Variants in UBE2G1 observed in about 807,000 individuals in gnomAD.
The protein encoded by UBE2G1 is ubiquitin conjugating enzyme E2 G1, also known as ubiquitin-conjugating enzyme E2 G1.
Under a neutral mutation model 22.7 loss-of-function variants are expected in UBE2G1, and 5 were observed. That is an observed-to-expected ratio of 0.22 (90% CI 0.12 to 0.46). The LOEUF (loss-of-function observed/expected upper bound fraction) is 0.46. Ranked by LOEUF, UBE2G1 falls within the 20% of genes least tolerant of loss-of-function variation. The probability of loss-of-function intolerance (pLI) is 0.99; values close to 1 mark genes in which losing one functional copy is unlikely to be tolerated. For synonymous variants in UBE2G1, 74 were observed against 67.5 expected (o/e 1.10, Z -0.47); for missense variants, 88 against 203.9 (o/e 0.43, Z 3.46).
At chr17:4,308,965 A>C (rs980658570) in intron 1 of UBE2G1, among the ~76,000 whole-genome samples, 1 of 152,198 alleles carries the variant, frequency 6.6e-6, no homozygotes, top group Non-Finnish European at 1.5e-5. Flanking sequence ...CAATAGTGAA[A>C]ATTTATATTT....
At chr17:4,314,912 G>T (rs975625814) in intron 1 of UBE2G1, among the ~76,000 whole-genome samples, 7 of 152,192 alleles carry the variant, frequency 4.6e-5, no homozygotes. Flanking sequence ...CAAATATACT[G>T]CAAGGAGCAC....
rs111357043 is a variant in UBE2G1 at position 4,276,289 on chromosome 17, C to G, written c.*38-3773G>C. 7.9e-4 allele frequency among the ~76,000 whole-genome samples: 120 copies of G among 152,272 alleles called. 1 individual carries two copies. Among genetic ancestry groups the G allele is most frequent in the African/African-American group, 2.7e-3 (113 of 41,552 alleles). On this transcript the variant is annotated intron_variant, in intron 5 of 5. Transcript: ENST00000396981. ...TCCCAGGTTGAAGTGATTCTCCTGC[C>G]TCAGCCTCCCGAGTAGCTGGGATTA...
chr17:4,349,445 AAAC>A (rs1969818025), intron 1 of UBE2G1, among the ~76,000 whole-genome samples: 2 of 152,196 alleles, frequency 1.3e-5, no homozygotes, highest in South Asian at 4.1e-4. Context: ...CCAGAACTTA[AAAC>A]AAATGGAACT....
At chr17:4,349,792 G>A (rs893788905) in intron 1 of UBE2G1, among the ~76,000 whole-genome samples, 4 of 150,592 alleles carry the variant, frequency 2.7e-5, no homozygotes, top group African/African-American at 4.9e-5. Context: ...GCAGTGAGCC[G>A]AGATTGCGCC....
intron 1 of UBE2G1, among the ~76,000 whole-genome samples, chr17:4,329,831 T>G (rs1350906311): frequency 1.3e-5 from 2 of 151,828 alleles, no homozygotes; most frequent in Non-Finnish European, 2.9e-5. Flanking sequence ...GGTATGCTTT[T>G]TTTTTTTAGA....
chr17:4,302,385 G>T, intron 2 of UBE2G1: 1 of 490,880 alleles, frequency 2.0e-6, no homozygotes. Flanking sequence ...TGTGTCTTCT[G>T]GGAATCTCCT....
intron 2 of UBE2G1, among the ~76,000 whole-genome samples, chr17:4,305,797 C>T (rs1969242919): frequency 6.6e-6 from 1 of 152,226 alleles, no homozygotes; most frequent in Non-Finnish European, 1.5e-5. Flanking sequence ...ACGCCTCAGC[C>T]TCCCAAAGTG....
chr17:4,301,830 C>T, intron 2 of UBE2G1: 1 of 526,986 alleles, frequency 1.9e-6, no homozygotes, highest in Non-Finnish European at 3.7e-6. Context: ...TTTAGCATGG[C>T]TAGAATTGGA....
intron 1 of UBE2G1, among the ~76,000 whole-genome samples, chr17:4,319,228 G>C (rs1244596335): frequency 2.6e-5 from 4 of 151,916 alleles, no homozygotes; most frequent in Admixed American, 2.6e-4. Context: ...GAAAAAACTG[G>C]TACAGAATAA....
At chr17:4,355,406 C>A (rs1969894429) in intron 1 of UBE2G1, among the ~76,000 whole-genome samples, 1 of 149,886 alleles carries the variant, frequency 6.7e-6, no homozygotes, top group African/African-American at 2.4e-5. Flanking sequence ...TTTGGGAGGC[C>A]GAGGCGGGTG....
In UBE2G1 at chr17:4,351,107, G is replaced by A. The variant is rs1480113063; in HGVS notation, c.46+15164C>T. Among the ~76,000 whole-genome samples, 5 of 151,646 alleles carry A rather than the reference G, an allele frequency of 3.3e-5. 1 individual carries two copies. The highest frequency in any genetic ancestry group is 7.4e-5 in the Non-Finnish European group (5 of 67,936). ...CCAGCTACTCGGGACTCTGAGACAG[G>A]AGAATCACCTCTGCCCAGGAGGCAG... On this transcript the variant is annotated intron_variant, in intron 1 of 5. Transcript: ENST00000396981.
intron 1 of UBE2G1, among the ~76,000 whole-genome samples, chr17:4,342,922 CCCTGTACTG>C (rs919222920): frequency 6.6e-6 from 1 of 152,140 alleles, no homozygotes; most frequent in African/African-American, 2.4e-5. Context: ...ACTGCAGCGC[CCCTGTACTG>C]TTCTTCTCTT....
intron 2 of UBE2G1, chr17:4,301,504 G>T (rs1201435935): frequency 4.1e-6 from 4 of 965,344 alleles, no homozygotes; most frequent in South Asian, 1.3e-5. Context: ...CAGGATAAAC[G>T]GAACAGGCAG....
chr17:4,284,838 C>CTTTTTTTTTTTTTTTTTT (rs1176508350), intron 4 of UBE2G1, among the ~76,000 whole-genome samples: 1 of 22,316 alleles, frequency 4.5e-5, no homozygotes, highest in African/African-American at 9.3e-5. Flanking sequence ...TCTTTTCTTT[C>CTTTTTTTTTTTTTTTTTT]TTTTTTTTTT....
chr17:4,281,346 C>G (rs9913489), intron 5 of UBE2G1, among the ~76,000 whole-genome samples: 5 of 151,988 alleles, frequency 3.3e-5, no homozygotes, highest in African/African-American at 9.7e-5. Context: ...TTTAAACATG[C>G]AAATTTGGTA....
Position 4,279,785 on chromosome 17 carries a change from T to TTATATA in UBE2G1, c.*37+3007_*37+3012dup, listed in dbSNP as rs71144177. On this transcript the variant is annotated intron_variant, in intron 5 of 5. Transcript: ENST00000396981. ...GCGAAACTCTGCCCCCAAAAAAAAG[T>TTATATA]TATATATATATATATATATATATAT... Among the ~76,000 whole-genome samples, 171 of 68,722 alleles carry TTATATA rather than the reference T, an allele frequency of 2.5e-3. 4 individuals are homozygous for TTATATA. Among genetic ancestry groups the TTATATA allele is most frequent in the Middle Eastern group, 8.9e-3 (1 of 112 alleles). 45.1% of individuals were successfully genotyped at this position (68,722 alleles called of 152,430 possible).
At chr17:4,311,492 A>G (rs1426442698) in intron 1 of UBE2G1, among the ~76,000 whole-genome samples, 1 of 152,270 alleles carries the variant, frequency 6.6e-6, no homozygotes, top group Non-Finnish European at 1.5e-5. Flanking sequence ...AAGTACTAAT[A>G]TATGAAGCTC....
At chr17:4,339,077 A>G (rs376945989) in intron 1 of UBE2G1, among the ~76,000 whole-genome samples, 30 of 152,184 alleles carry the variant, frequency 2.0e-4, no homozygotes, top group East Asian at 9.6e-4. Flanking sequence ...AATGTATATT[A>G]CATTTTATGA....
At chr17:4,313,225 A>T (rs1354962100) in intron 1 of UBE2G1, among the ~76,000 whole-genome samples, 2 of 152,250 alleles carry the variant, frequency 1.3e-5, no homozygotes, top group African/African-American at 4.8e-5. Flanking sequence ...CCTATGCAGG[A>T]CACAAAACTC....
Sources: allele counts gnomAD v4.1 joint callset (sites outside exome capture counted in the v4.1 genomes callset), GRCh38; gene constraint gnomAD v4.1.1; transcripts MANE v1.5; gene names NCBI Gene and HGNC (gene_info 2026-07-23, HGNC 2026-07-21).